FAM13C: variants seen among roughly 807,000 people sequenced by gnomAD.
FAM13C encodes the protein protein FAM13C.
In FAM13C, 37 loss-of-function variants were observed where a neutral mutation model predicts 73.2. That is an observed-to-expected ratio of 0.51 (90% confidence interval 0.39 to 0.67). The LOEUF (loss-of-function observed/expected upper bound fraction) is 0.67, where lower values mean the gene tolerates loss of function less well. Among genes scored for constraint, FAM13C ranks in the 30% least tolerant of loss-of-function variants. The pLI, the probability that FAM13C is intolerant of heterozygous loss-of-function variation, is 0.00. For missense variants in FAM13C, 589 were observed against 715.6 expected (o/e 0.82, Z 2.02); for synonymous variants, 246 against 260.9 (o/e 0.94, Z 0.55).
intron 5 of FAM13C, among the ~76,000 whole-genome samples, chr10:59,289,276 G>A (rs1316609894): frequency 9.2e-5 from 14 of 152,290 alleles, no homozygotes; most frequent in East Asian, 7.7e-4. Context: ...TTCTCGGGCC[G>A]TGCAGCCCAG....
At chr10:59,360,572 A>G (rs1183404826) in intron 1 of FAM13C, among the ~76,000 whole-genome samples, 1 of 152,154 alleles carries the variant, frequency 6.6e-6, no homozygotes, top group Non-Finnish European at 1.5e-5. Flanking sequence ...GGGTCATATT[A>G]CTGAGGTGAG....
At chr10:59,359,843 G>A (rs1856181897) in intron 1 of FAM13C, among the ~76,000 whole-genome samples, 2 of 152,224 alleles carry the variant, frequency 1.3e-5, no homozygotes, top group Non-Finnish European at 2.9e-5. Context: ...TTGATGATCA[G>A]TTAGCTTTGA....
intron 10 of FAM13C, among the ~76,000 whole-genome samples, chr10:59,261,047 G>T (rs192253997): frequency 6.6e-6 from 1 of 152,086 alleles, no homozygotes; most frequent in African/African-American, 2.4e-5. Flanking sequence ...AGATTTAGAC[G>T]TTGACCAAGA....
chr10:59,263,619 G>C (rs1049083256), intron 9 of FAM13C, among the ~76,000 whole-genome samples: 1 of 152,172 alleles, frequency 6.6e-6, no homozygotes, highest in Non-Finnish European at 1.5e-5. Context: ...GAGAAAGACA[G>C]AAAAAGAAGG....
chr10:59,310,106 C>A (rs1434779650), intron 4 of FAM13C, among the ~76,000 whole-genome samples: 6 of 152,200 alleles, frequency 3.9e-5, no homozygotes, highest in African/African-American at 1.4e-4. Flanking sequence ...GCATCCAACA[C>A]ACTTTTCAGA....
intron 1 of FAM13C, among the ~76,000 whole-genome samples, chr10:59,360,853 G>GAAAAAAAA (rs10615623): frequency 1.7e-5 from 1 of 57,992 alleles, no homozygotes; most frequent in Non-Finnish European, 3.9e-5. Flanking sequence ...AACCTCTACA[G>GAAAAAAAA]AAAAAAAAAA....
intron 13 of FAM13C, 67 bp downstream of exon 13, chr10:59,251,508 G>A (rs1392080341): frequency 3.6e-6 from 5 of 1,381,938 alleles, no homozygotes; most frequent in Non-Finnish European, 5.1e-6. Context: ...GCAAAAAATT[G>A]CAGCTCATTT....
In FAM13C at chr10:59,324,067, C is replaced by T. The variant is rs1045613024; in HGVS notation, c.364G>A (p.Val122Met). ...HVVSSQSECQ[V>M]RAGTPAHESP... ...TCATGAGCTGGTGTTCCTGCTCTCA[C>T]CTGACACTCTGACTGGCTGGATACC... Residue 122 changes from valine to methionine, a missense_variant, in exon 4 of 14, where the codon GTG becomes ATG. Val to Met is a conservative substitution (Grantham distance 21). Transcript: ENST00000618804. The T allele has an allele frequency of 2.5e-6, 4 of 1,613,936 alleles. No individual in the cohort carries two copies. Among genetic ancestry groups the T allele is most frequent in the Non-Finnish European group, 3.4e-6 (4 of 1,179,956 alleles).
intron 1 of FAM13C, among the ~76,000 whole-genome samples, chr10:59,358,220 A>C (rs1855951414): frequency 6.6e-6 from 1 of 152,204 alleles, no homozygotes; most frequent in South Asian, 2.1e-4. Context: ...TCTACTAAAA[A>C]TACAAAAATT....
At chr10:59,254,495 G>C (rs750693866) in intron 10 of FAM13C, 52 bp from the exon 11 acceptor site, 2 of 1,104,940 alleles carry the variant, frequency 1.8e-6, no homozygotes, top group African/African-American at 3.2e-5. Context: ...GAATGAAAAC[G>C]TCAACATTTT....
At chr10:59,283,797 G>C in intron 5 of FAM13C, 1 of 494,594 alleles carries the variant, frequency 2.0e-6, no homozygotes, top group Middle Eastern at 5.4e-4. Context: ...AATCTGAGAA[G>C]ATATCTGCTT....
intron 3 of FAM13C, among the ~76,000 whole-genome samples, chr10:59,333,587 G>A (rs1265498880): frequency 6.6e-6 from 1 of 152,112 alleles, no homozygotes; most frequent in Non-Finnish European, 1.5e-5. Context: ...TTTTTTGGGG[G>A]CTGAGAAGGC....
At chr10:59,305,412 A>G (rs183611930) in intron 4 of FAM13C, among the ~76,000 whole-genome samples, 4 of 152,326 alleles carry the variant, frequency 2.6e-5, no homozygotes, top group Admixed American at 6.5e-5. Flanking sequence ...TAAAAAGGCC[A>G]GTTATCTTAA....
chr10:59,262,997 A>G (rs1401054903), intron 9 of FAM13C, among the ~76,000 whole-genome samples: 1 of 152,152 alleles, frequency 6.6e-6, no homozygotes, highest in Non-Finnish European at 1.5e-5. Flanking sequence ...AGATTTATTT[A>G]CTTAGATTAT....
At chr10:59,273,026 C>A (rs1410598875) in intron 6 of FAM13C, among the ~76,000 whole-genome samples, 1 of 152,118 alleles carries the variant, frequency 6.6e-6, no homozygotes, top group African/African-American at 2.4e-5. Context: ...TAAATATGAT[C>A]TCTCTGAAAC....
chr10:59,355,606 G>C (rs915871964), intron 2 of FAM13C, among the ~76,000 whole-genome samples: 2 of 151,994 alleles, frequency 1.3e-5, no homozygotes, highest in African/African-American at 4.8e-5. Flanking sequence ...CTTCCTTTAG[G>C]GTGTGTGATG....
At chr10:59,271,030 T>C (rs1187290231) in intron 6 of FAM13C, among the ~76,000 whole-genome samples, 1 of 152,038 alleles carries the variant, frequency 6.6e-6, no homozygotes, top group Non-Finnish European at 1.5e-5. Flanking sequence ...CAGCAGGGGA[T>C]CAGATCATTA....
At chr10:59,349,743 A>G (rs1854780935) in intron 3 of FAM13C, among the ~76,000 whole-genome samples, 1 of 152,210 alleles carries the variant, frequency 6.6e-6, no homozygotes, top group Non-Finnish European at 1.5e-5. Flanking sequence ...AGCCTGGGTG[A>G]CAGAGGGAAA....
At chr10:59,257,405 T>C (rs928766306) in intron 10 of FAM13C, among the ~76,000 whole-genome samples, 7 of 152,236 alleles carry the variant, frequency 4.6e-5, no homozygotes, top group Non-Finnish European at 7.3e-5. Flanking sequence ...TCAGCACTTC[T>C]ACCACCTTGT....
Sources: gnomAD v4.1 joint callset for allele counts (sites outside exome capture counted in the v4.1 genomes callset) on GRCh38, gnomAD v4.1.1 for gene constraint, MANE v1.5 for transcripts, NCBI Gene and HGNC (gene_info 2026-07-23, HGNC 2026-07-21) for gene names.